Variants in MKRN1 observed in about 807,000 individuals in gnomAD.
MKRN1 encodes the protein E3 ubiquitin-protein ligase makorin-1.
Under a neutral mutation model 55.5 loss-of-function variants are expected in MKRN1, and 9 were observed. The observed-to-expected ratio is 0.16, with a 90% confidence interval of 0.10 to 0.28. MKRN1 has a LOEUF of 0.28. Ranked by LOEUF, MKRN1 falls within the 10% of genes least tolerant of loss-of-function variation. MKRN1 has a pLI of 1.00. For missense variants in MKRN1, 488 were observed against 626.7 expected, an observed-to-expected ratio of 0.78 and a Z score of 2.36; for synonymous variants, 253 against 235.9, an observed-to-expected ratio of 1.07 and a Z score of -0.66.
At chr7:140,468,320 C>G (rs1456061362) in intron 2 of MKRN1, among the ~76,000 whole-genome samples, 1 of 152,156 alleles carries the variant, frequency 6.6e-6, no homozygotes, top group African/African-American at 2.4e-5. Context: ...CCTGCAGAGA[C>G]TATACCACTA....
In MKRN1 at chr7:140,454,411, G is replaced by A; in HGVS notation, c.*106C>T. ...GGTAAAAATTCTTAGGACAGCACCT[G>A]GAGTTGAGAGGCCTGCCTAGGAGAG... On this transcript the variant is annotated 3_prime_UTR_variant, in exon 8 of 8. Transcript: ENST00000255977. The A allele has an allele frequency of 9.3e-7, 1 of 1,077,568 alleles. No homozygotes were observed. The highest frequency in any genetic ancestry group is 1.4e-6 in the Non-Finnish European group (1 of 723,568). The allele number at this position is 1,077,568 out of a possible 1,614,324, so 66.8% of individuals were successfully genotyped here.
intron 2 of MKRN1, among the ~76,000 whole-genome samples, chr7:140,468,845 T>C (rs1223857630): frequency 6.6e-6 from 1 of 151,948 alleles, no homozygotes; most frequent in Non-Finnish European, 1.5e-5. Flanking sequence ...AAAGTTTCTA[T>C]GAGATCAACT....
chr7:140,466,365 TA>T (rs1794765209), intron 2 of MKRN1, among the ~76,000 whole-genome samples: 1 of 152,046 alleles, frequency 6.6e-6, no homozygotes, highest in Admixed American at 6.6e-5. Flanking sequence ...ACATCCTTAT[TA>T]AAAGGAAAAT....
intron 2 of MKRN1, among the ~76,000 whole-genome samples, chr7:140,463,670 G>A (rs1416390122): frequency 6.6e-6 from 1 of 151,988 alleles, no homozygotes; most frequent in African/African-American, 2.4e-5. Flanking sequence ...CGGATCACAA[G>A]GTCAGGAGAT....
At chr7:140,473,282 A>T (rs767469268) in intron 1 of MKRN1, 4 of 452,332 alleles carry the variant, frequency 8.8e-6, no homozygotes, top group South Asian at 1.6e-5. Context: ...CCTGGGCCAT[A>T]TATTATTTCT....
At chr7:140,458,941 A>C in intron 4 of MKRN1, 66 bp downstream of exon 4, 1 of 1,519,128 alleles carries the variant, frequency 6.6e-7, no homozygotes, top group Admixed American at 1.7e-5. Flanking sequence ...ATAAACCCAC[A>C]ATGCTGTGAA....
At chr7:140,473,992 CAA>C (rs750043239) in intron 1 of MKRN1, among the ~76,000 whole-genome samples, 288 of 15,120 alleles carry the variant, frequency 0.019, 2 homozygotes, top group African/African-American at 0.038. Context: ...AACTCCGTCT[CAA>C]AAAAAAAAAA....
intron 1 of MKRN1, chr7:140,474,415 A>G: frequency 2.7e-6 from 1 of 371,408 alleles, no homozygotes; most frequent in East Asian, 9.9e-5. Flanking sequence ...CTGAGGCAGA[A>G]TTGCTTGAAC....
intron 1 of MKRN1, 164 bp from the exon 2 acceptor site, chr7:140,472,175 C>T: frequency 1.0e-6 from 1 of 954,038 alleles, no homozygotes; most frequent in East Asian, 2.8e-5. Context: ...ATCCCAGTAC[C>T]TTTGGGAGGC....
intron 1 of MKRN1, 145 bp from the exon 2 acceptor site, chr7:140,472,156 A>T (rs949774737): frequency 2.0e-5 from 23 of 1,137,084 alleles, no homozygotes; most frequent in Non-Finnish European, 2.7e-5. Flanking sequence ...ATGGTGGCTC[A>T]TGCCTGTAAT....
intron 4 of MKRN1, among the ~76,000 whole-genome samples, chr7:140,457,624 G>A (rs955227545): frequency 2.0e-5 from 3 of 151,886 alleles, no homozygotes; most frequent in African/African-American, 7.3e-5. Context: ...CAGCTATTCG[G>A]GAGGCAGAGG....
At chr7:140,460,267 AG>A (rs1331788274) in intron 2 of MKRN1, 2 of 228,244 alleles carry the variant, frequency 8.8e-6, no homozygotes, top group Non-Finnish European at 1.7e-5. Context: ...AAAAAAAAAA[AG>A]TAAGCACTCA....
At chr7:140,461,822 A>T (rs1467070906) in intron 2 of MKRN1, among the ~76,000 whole-genome samples, 3 of 151,848 alleles carry the variant, frequency 2.0e-5, no homozygotes, top group Admixed American at 6.6e-5. Context: ...CGTCTCTACT[A>T]AAAATACAAA....
At chr7:140,463,661 G>A (rs991715053) in intron 2 of MKRN1, among the ~76,000 whole-genome samples, 17 of 151,968 alleles carry the variant, frequency 1.1e-4, no homozygotes, top group African/African-American at 2.7e-4. Context: ...CAAGGTGGGC[G>A]GATCACAAGG....
intron 2 of MKRN1, among the ~76,000 whole-genome samples, chr7:140,464,430 A>C (rs1157823879): frequency 6.6e-6 from 1 of 151,578 alleles, no homozygotes; most frequent in Non-Finnish European, 1.5e-5. Flanking sequence ...TAAGCCAGGC[A>C]CGGTGGCTCA....
intron 1 of MKRN1, chr7:140,474,328 T>G: frequency 4.9e-6 from 1 of 202,716 alleles, no homozygotes; most frequent in Non-Finnish European, 1.1e-5. Context: ...AAACCCTGTT[T>G]CTACTAAAAA....
intron 1 of MKRN1, among the ~76,000 whole-genome samples, chr7:140,476,002 A>T (rs1795105251): frequency 3.9e-5 from 6 of 152,202 alleles, no homozygotes; most frequent in African/African-American, 1.4e-4. Flanking sequence ...ACCCCAGGAG[A>T]AACATTAGAA....
chr7:140,456,955 C>T, intron 4 of MKRN1, 89 bp from the exon 5 acceptor site: 1 of 1,280,378 alleles, frequency 7.8e-7, no homozygotes, highest in East Asian at 2.5e-5. Flanking sequence ...GTCAAAGAAT[C>T]AAATAGTCAA....
intron 1 of MKRN1, among the ~76,000 whole-genome samples, chr7:140,476,923 T>A (rs915654885): frequency 3.3e-5 from 5 of 151,882 alleles, no homozygotes; most frequent in Non-Finnish European, 7.4e-5. Context: ...CTACTAAAAA[T>A]ACAAAATTAG....
Sources: allele counts gnomAD v4.1 joint callset (sites outside exome capture counted in the v4.1 genomes callset), GRCh38; gene constraint gnomAD v4.1.1; transcripts MANE v1.5; gene names NCBI Gene and HGNC (gene_info 2026-07-23, HGNC 2026-07-21).